USP33: variants seen among roughly 807,000 people sequenced by gnomAD.
USP33 encodes the protein ubiquitin specific peptidase 33.
A neutral mutation model predicts 124.2 loss-of-function variants in USP33; 46 were observed. That is an observed-to-expected ratio of 0.37 (90% CI 0.29 to 0.47). USP33 has a LOEUF of 0.47. Among genes scored for constraint, USP33 ranks in the 20% least tolerant of loss-of-function variants. USP33 has a pLI of 0.99. For missense variants in USP33, 851 were observed against 1,070.6 expected (o/e 0.79, Z 2.86); for synonymous variants, 350 against 352.3 (o/e 0.99, Z 0.07).
chr1:77,727,116 CT>C (rs1229890781), intron 10 of USP33, among the ~76,000 whole-genome samples: 1 of 152,228 alleles, frequency 6.6e-6, no homozygotes, highest in Non-Finnish European at 1.5e-5. Context: ...CACTCTAGGA[CT>C]TTCTGAAGGG....
intron 10 of USP33, among the ~76,000 whole-genome samples, chr1:77,727,590 CTAAA>C (rs1361165823): frequency 6.6e-6 from 1 of 152,124 alleles, no homozygotes; most frequent in Non-Finnish European, 1.5e-5. Context: ...ATTCAAATAC[CTAAA>C]TAAATTGCTT....
At chr1:77,724,669 A>T (rs981682687) in intron 11 of USP33, among the ~76,000 whole-genome samples, 4 of 152,216 alleles carry the variant, frequency 2.6e-5, no homozygotes, top group Non-Finnish European at 5.9e-5. Context: ...AAACCTATAC[A>T]TAAATTTTAG....
In USP33 at chr1:77,728,373, C is replaced by G. The variant is rs1677400495; in HGVS notation, c.1057G>C (p.Asp353His). 6.2e-7 allele frequency: 1 copy of G among 1,613,792 alleles called. No individual in the cohort carries two copies. Among genetic ancestry groups the G allele is most frequent in the Non-Finnish European group, 8.5e-7 (1 of 1,179,960 alleles). Reference sequence around the variant, plus strand: ...ACTGTTTCAGATATAGAGTCTCTATCTTTATCAAATTCGCCTTCAGAATTT... The same window carrying G: ...ACTGTTTCAGATATAGAGTCTCTATGTTTATCAAATTCGCCTTCAGAATTT... ...KVNSEGEFDKDRDSISETVDL... is the reference protein window; with the variant it reads ...KVNSEGEFDKHRDSISETVDL... The change falls in exon 10 of 24, where the codon GAT becomes CAT. Residue 353 changes from aspartate (D) to histidine (H), a missense_variant. Asp to His is a moderately conservative substitution (Grantham distance 81, BLOSUM62 -1). Transcript: ENST00000370794.
At chr1:77,730,342 T>G (rs1399121353) in intron 8 of USP33, among the ~76,000 whole-genome samples, 1 of 152,216 alleles carries the variant, frequency 6.6e-6, no homozygotes, top group African/African-American at 2.4e-5. Flanking sequence ...TGCTCCTGAA[T>G]GCAAAACTCT....
intron 22 of USP33, among the ~76,000 whole-genome samples, chr1:77,698,195 C>A (rs1228216604): frequency 6.6e-6 from 1 of 150,434 alleles, no homozygotes; most frequent in Non-Finnish European, 1.5e-5. Flanking sequence ...TCCTGAGTAG[C>A]TGGGAATACA....
At chr1:77,705,363 T>A (rs1024177244) in intron 21 of USP33, among the ~76,000 whole-genome samples, 27 of 151,944 alleles carry the variant, frequency 1.8e-4, no homozygotes, top group Admixed American at 6.6e-5. Flanking sequence ...CCTGGCTAAT[T>A]TTTGTATTTT....
intron 1 of USP33, among the ~76,000 whole-genome samples, chr1:77,746,126 G>C (rs1679717861): frequency 6.6e-6 from 1 of 152,106 alleles, no homozygotes; most frequent in Non-Finnish European, 1.5e-5. Context: ...AAAATTGATA[G>C]ACCGCTAGCA....
At chr1:77,730,589 A>G (rs749155599) in intron 8 of USP33, 29 bp downstream of exon 8, 1 of 1,412,748 alleles carries the variant, frequency 7.1e-7, no homozygotes, top group Admixed American at 2.4e-5. Flanking sequence ...AAAGTTTAAT[A>G]AAGAAGAAGA....
chr1:77,745,064 C>G (rs1325772884), intron 1 of USP33, among the ~76,000 whole-genome samples: 1 of 152,178 alleles, frequency 6.6e-6, no homozygotes, highest in Non-Finnish European at 1.5e-5. Context: ...GTCTAAGTCT[C>G]TTTGTAGGTC....
intron 1 of USP33, 49 bp from the exon 2 acceptor site, chr1:77,741,797 C>T (rs1305104378): frequency 6.8e-7 from 1 of 1,475,660 alleles, no homozygotes; most frequent in Non-Finnish European, 9.0e-7. Context: ...GCTTACAATG[C>T]CTGCAAAGAT....
Position 77,722,045 on chromosome 1 carries a change from A to G in USP33, c.1541T>C (p.Phe514Ser), listed in dbSNP as rs1676622128. ...ATACCTCTTCACATATTCCATGAAA[A>G]AAGCTATCCACCCTTGTGGAGCATA... is the stretch of plus-strand genomic sequence containing the variant. ...EAYAPQGWIA[F>S]FMEYVKRFVV... The change falls in exon 13 of 24, where the codon TTT becomes TCT. Residue 514 changes from phenylalanine to serine, a missense_variant. Phe to Ser is a radical substitution (Grantham distance 155). Around this residue, in one of 4 missense-constraint regions of USP33, gnomAD observed 281 missense variants for 425.0 expected, o/e 0.66. Coordinates refer to ENST00000370794, the MANE Select transcript of USP33 (RefSeq NM_201624.3). 2 of 1,612,832 alleles carry G rather than the reference A, an allele frequency of 1.2e-6. No individual in the cohort carries two copies. The highest frequency in any genetic ancestry group is 4.5e-5 in the East Asian group (2 of 44,878).
At position 77,728,487 on chromosome 1, in the gene USP33, TTTCA is replaced by T; in HGVS notation, c.939_942del (p.Asn313LysfsTer5). 1 of 1,614,094 alleles carries T rather than the reference TTTCA, an allele frequency of 6.2e-7. No homozygotes were observed. The highest frequency in any genetic ancestry group is 2.2e-5 in the East Asian group (1 of 44,864). On this transcript the variant is annotated frameshift_variant, in exon 10 of 24. Coordinates refer to ENST00000370794, the MANE Select transcript of USP33 (RefSeq NM_201624.3). LOFTEE classifies it high-confidence loss of function. ...TCATCATCCTGAATTAACATTGTTG[TTTCA>T]TTATTATCTTCAGAAAAGCATCTAG...
At chr1:77,738,382 A>G (rs1678721760) in intron 5 of USP33, among the ~76,000 whole-genome samples, 2 of 152,112 alleles carry the variant, frequency 1.3e-5, no homozygotes, top group South Asian at 2.1e-4. Flanking sequence ...CCTTTTTCCT[A>G]TTTTTCTATG....
chr1:77,756,018 T>C (rs1213369421), intron 1 of USP33, among the ~76,000 whole-genome samples: 2 of 152,212 alleles, frequency 1.3e-5, no homozygotes, highest in Non-Finnish European at 2.9e-5. Context: ...AAAAAACTAA[T>C]TTGAAAGTCA....
chr1:77,740,354 C>CAT (rs1678979629), intron 4 of USP33, among the ~76,000 whole-genome samples: 1 of 143,092 alleles, frequency 7.0e-6, no homozygotes, highest in South Asian at 2.2e-4. Flanking sequence ...TGGATATACA[C>CAT]TTTTTTTTTT....
intron 7 of USP33, 88 bp downstream of exon 7, chr1:77,734,259 T>C: frequency 1.0e-6 from 1 of 969,066 alleles, no homozygotes; most frequent in South Asian, 1.5e-5. Context: ...TACCTTGAGT[T>C]AGTCAACTAC....
chr1:77,728,363 G>C lies in USP33; in HGVS notation c.1067C>G (p.Ser356Cys), dbSNP rs964512081. 1.9e-6 allele frequency: 3 copies of C among 1,613,278 alleles called. No homozygotes were observed. Among genetic ancestry groups the C allele is most frequent in the Non-Finnish European group, 2.5e-6 (3 of 1,179,864 alleles). Residue 356 changes from serine to cysteine, a missense_variant, in exon 10 of 24, where the codon TCT becomes TGT. Ser to Cys is a moderately radical substitution (Grantham distance 112). This residue lies in a region of USP33 where 207 missense variants were observed against 200.9 expected (regional missense o/e 1.03). Transcript: ENST00000370794. ...GTTTAAGTCGACTGTTTCAGATATAGAGTCTCTATCTTTATCAAATTCGCC... is the reference window on the plus strand; with the variant it reads ...GTTTAAGTCGACTGTTTCAGATATACAGTCTCTATCTTTATCAAATTCGCC... The part of the protein sequence containing the change: ...SEGEFDKDRD[S>C]ISETVDLNNQ...
rs1673430971 is a variant in USP33, at chr1:77,696,197, TTA to T, written c.*1118_*1119del. ...GCATACTATATTATTCAAAAAGACT[TTA>T]TCTATTTCATTTAAAAAATCAAGTT... On this transcript the variant is annotated 3_prime_UTR_variant, in exon 24 of 24. Coordinates refer to ENST00000370794, the MANE Select transcript of USP33 (RefSeq NM_201624.3). The T allele has an allele frequency of 6.6e-6, 1 of 152,362 alleles. No individual in the cohort carries two copies. The highest frequency in any genetic ancestry group is 1.5e-5 in the Non-Finnish European group (1 of 68,040). The allele number at this position is 152,362 out of a possible 1,614,324, so 9.4% of individuals were successfully genotyped here.
chr1:77,745,267 T>A (rs1224535664), intron 1 of USP33, among the ~76,000 whole-genome samples: 1 of 152,212 alleles, frequency 6.6e-6, no homozygotes, highest in Non-Finnish European at 1.5e-5. Context: ...TGTTTTCCAT[T>A]TGCTTGGTAG....
Sources: gnomAD v4.1 joint callset for allele counts (sites outside exome capture counted in the v4.1 genomes callset) on GRCh38, gnomAD v4.1.1 for gene constraint, gnomAD v4.1.1 regional missense constraint, MANE v1.5 for transcripts, NCBI Gene and HGNC (gene_info 2026-07-23, HGNC 2026-07-21) for gene names.